Variants in ZNF704 observed in about 807,000 individuals in gnomAD.
ZNF704 encodes zinc finger protein 704, also known as glucocorticoid induced gene 1.
A neutral mutation model predicts 44.7 loss-of-function variants in ZNF704; 10 were observed. That is an observed-to-expected ratio of 0.22 (90% CI 0.14 to 0.38). ZNF704 has a LOEUF of 0.38. Among genes scored for constraint, ZNF704 ranks in the 10% least tolerant of loss-of-function variants. The probability of loss-of-function intolerance (pLI) is 1.00; values close to 1 mark genes in which losing one functional copy is unlikely to be tolerated. For missense variants in ZNF704, 390 were observed against 545.5 expected (o/e 0.71, Z 2.84); for synonymous variants, 211 against 207.6 (o/e 1.02, Z -0.14).
chr8:80,785,160 C>T (rs185661233), intron 2 of ZNF704, among the ~76,000 whole-genome samples: 4 of 152,222 alleles, frequency 2.6e-5, no homozygotes, highest in Admixed American at 6.5e-5. Flanking sequence ...CCAGACTTTC[C>T]TTGTTTTTGA....
chr8:80,689,198 T>C (rs1278934611), intron 3 of ZNF704, among the ~76,000 whole-genome samples: 2 of 152,190 alleles, frequency 1.3e-5, no homozygotes, highest in Non-Finnish European at 2.9e-5. Flanking sequence ...TAATTAGTAA[T>C]GGAGTGAAGA....
At chr8:80,711,871 A>T (rs1333488510) in intron 2 of ZNF704, among the ~76,000 whole-genome samples, 1 of 152,214 alleles carries the variant, frequency 6.6e-6, no homozygotes, top group Admixed American at 6.5e-5. Context: ...CACTGTCTCT[A>T]TCGATGCATA....
intron 2 of ZNF704, among the ~76,000 whole-genome samples, chr8:80,749,276 T>C (rs1257748573): frequency 6.6e-6 from 1 of 152,100 alleles, no homozygotes; most frequent in Non-Finnish European, 1.5e-5. Context: ...TCCCAAAGTG[T>C]TGGAATTACA....
intron 2 of ZNF704, among the ~76,000 whole-genome samples, chr8:80,773,271 T>TTGAGTG (rs1445497199): frequency 6.6e-6 from 1 of 152,202 alleles, no homozygotes; most frequent in Admixed American, 6.5e-5. Context: ...TACAGTGTTT[T>TTGAGTG]TGAGTGTATC....
At position 80,874,300 on chromosome 8, in the gene ZNF704, A is replaced by C. The variant is rs1245846403; in HGVS notation, c.-22+271T>G. On this transcript the variant is annotated intron_variant, in intron 1 of 8. Coordinates refer to ENST00000327835, the MANE Select transcript of ZNF704 (RefSeq NM_001033723.3). The surrounding 1 kb of genome is among the most constrained non-coding windows in gnomAD (Gnocchi z 4.4). Reference sequence around the variant, plus strand: ...GCGGCCGCGGGCGGGGGTGGGTGTGAGCGAGCGGCGCGCTGCCGCCTCCGC... The same window carrying C: ...GCGGCCGCGGGCGGGGGTGGGTGTGCGCGAGCGGCGCGCTGCCGCCTCCGC... Among the ~76,000 whole-genome samples the C allele has an allele frequency of 1.4e-5, 2 of 143,740 alleles. No homozygotes were observed. The highest frequency in any genetic ancestry group is 3.1e-5 in the Non-Finnish European group (2 of 65,054). 94.3% of individuals were successfully genotyped at this position (143,740 alleles called of 152,430 possible).
intron 1 of ZNF704, among the ~76,000 whole-genome samples, chr8:80,847,379 A>T (rs961338379): frequency 3.3e-5 from 5 of 152,138 alleles, no homozygotes; most frequent in African/African-American, 1.2e-4. Context: ...AAGAGTCAAC[A>T]TAGTAAAAAT....
In ZNF704 at chr8:80,871,977, T is replaced by C. The variant is rs192098969; in HGVS notation, c.-22+2594A>G. ...GTGAATTATCACACTCATTATTCTGTTTTTACGGATTTGATTTTTTCCCTA... is the reference window on the plus strand; with the variant it reads ...GTGAATTATCACACTCATTATTCTGCTTTTACGGATTTGATTTTTTCCCTA... On this transcript the variant is annotated intron_variant, in intron 1 of 8. Transcript: ENST00000327835. Among the ~76,000 whole-genome samples the C allele has an allele frequency of 5.0e-4, 76 of 152,302 alleles. 2 individuals carry two copies. In the East Asian group the frequency reaches 0.014, roughly 27 times the overall value.
At chr8:80,840,310 CGT>C (rs148744401) in intron 1 of ZNF704, among the ~76,000 whole-genome samples, 13 of 151,298 alleles carry the variant, frequency 8.6e-5, no homozygotes, top group African/African-American at 1.5e-4. Context: ...AAATTGTGTG[CGT>C]GTGTGTGTGT....
chr8:80,720,833 C>T (rs1454955335), intron 2 of ZNF704, among the ~76,000 whole-genome samples: 1 of 152,252 alleles, frequency 6.6e-6, no homozygotes, highest in African/African-American at 2.4e-5. Flanking sequence ...TGGTTAGTCT[C>T]ACCAATCTCA....
At chr8:80,873,385 C>T (rs1332887441) in intron 1 of ZNF704, among the ~76,000 whole-genome samples, 1 of 152,046 alleles carries the variant, frequency 6.6e-6, no homozygotes, top group East Asian at 1.9e-4. Context: ...CCTCGCGCTG[C>T]CCCGCGCGGC....
chr8:80,826,562 T>C (rs940787551), intron 1 of ZNF704, among the ~76,000 whole-genome samples: 2 of 152,180 alleles, frequency 1.3e-5, no homozygotes, highest in African/African-American at 4.8e-5. Flanking sequence ...GAATCCTCCC[T>C]AACTCATTTT....
intron 1 of ZNF704, among the ~76,000 whole-genome samples, chr8:80,847,562 C>G (rs1808787767): frequency 6.6e-6 from 1 of 152,132 alleles, no homozygotes; most frequent in Non-Finnish European, 1.5e-5. Flanking sequence ...TCACCCATCC[C>G]TAAGTTATGG....
At chr8:80,660,892 T>C (rs1003302878) in intron 6 of ZNF704, among the ~76,000 whole-genome samples, 2 of 152,184 alleles carry the variant, frequency 1.3e-5, no homozygotes, top group Admixed American at 6.5e-5. Flanking sequence ...AATATTTTTA[T>C]GGCTAAGACT....
At chr8:80,840,229 T>G (rs546945604) in intron 1 of ZNF704, among the ~76,000 whole-genome samples, 8 of 152,370 alleles carry the variant, frequency 5.3e-5, no homozygotes, top group African/African-American at 1.9e-4. Flanking sequence ...ACCCATGGCC[T>G]GCGGGCCGCA....
chr8:80,655,076 C>G (rs552663519), intron 7 of ZNF704, among the ~76,000 whole-genome samples: 71 of 151,586 alleles, frequency 4.7e-4, no homozygotes, highest in African/African-American at 1.6e-3. Flanking sequence ...TCATTCTCAG[C>G]AAACTATCGC....
chr8:80,870,738 G>A (rs1461758232), intron 1 of ZNF704, among the ~76,000 whole-genome samples: 1 of 151,910 alleles, frequency 6.6e-6, no homozygotes, highest in Non-Finnish European at 1.5e-5. Context: ...TTGGCCCCCT[G>A]CACTCCCTTA....
chr8:80,849,752 T>C (rs1433281073), intron 1 of ZNF704, among the ~76,000 whole-genome samples: 2 of 152,216 alleles, frequency 1.3e-5, no homozygotes, highest in African/African-American at 4.8e-5. Flanking sequence ...TACCTGGCTC[T>C]GAAGATGATG....
chr8:80,648,373 G>A (rs1817864687), intron 7 of ZNF704, among the ~76,000 whole-genome samples: 1 of 152,172 alleles, frequency 6.6e-6, no homozygotes, highest in South Asian at 2.1e-4. Flanking sequence ...TTCAGTAGGA[G>A]GCTCAATATG....
intron 1 of ZNF704, among the ~76,000 whole-genome samples, chr8:80,827,639 G>A (rs1329079256): frequency 6.6e-6 from 1 of 152,256 alleles, no homozygotes; most frequent in East Asian, 1.9e-4. Context: ...AAAGAACAAG[G>A]CTGGAGGCAT....
Sources: allele counts gnomAD v4.1 joint callset (sites outside exome capture counted in the v4.1 genomes callset), GRCh38; gene constraint gnomAD v4.1.1; non-coding constraint Gnocchi (gnomAD v3.1); transcripts MANE v1.5; gene names NCBI Gene and HGNC (gene_info 2026-07-23, HGNC 2026-07-21).